SORCS2: variants seen among roughly 807,000 people sequenced by gnomAD.
SORCS2 encodes the protein VPS10 domain-containing receptor SorCS2.
In SORCS2, 100 loss-of-function variants were observed where a neutral mutation model predicts 141.6. The observed-to-expected ratio is 0.71, with a 90% CI of 0.60 to 0.83. SORCS2 has a LOEUF of 0.83. SORCS2 is among the 40% of genes least tolerant of loss of function. SORCS2 has a pLI of 0.00. For missense variants in SORCS2, 1,646 were observed against 1,560.2 expected, an observed-to-expected ratio of 1.05 and a Z score of -0.93; for synonymous variants, 789 against 676.9, an observed-to-expected ratio of 1.17 and a Z score of -2.57.
rs34379092 is a variant in SORCS2 at position 7,413,391 on chromosome 4, C to CTTTTTTTTTT, written c.548+17047_548+17056dup. Among the ~76,000 whole-genome samples the CTTTTTTTTTT allele has an allele frequency of 3.3e-4, 28 of 84,822 alleles. 5 individuals are homozygous for CTTTTTTTTTT. Among genetic ancestry groups the CTTTTTTTTTT allele is most frequent in the South Asian group, 1.3e-3 (2 of 1,486 alleles). 55.6% of individuals were successfully genotyped at this position (84,822 alleles called of 152,430 possible). ...ATGATCCTCCGTATTTTCACAGCTG[C>CTTTTTTTTTT]TTTTTTTTTTTTTTTTTTTTGAGAT... On this transcript the variant is annotated intron_variant, in intron 2 of 26. Coordinates refer to ENST00000507866, the MANE Select transcript of SORCS2 (RefSeq NM_020777.3).
chr4:7,563,313 A>G (rs1359582106), intron 3 of SORCS2, among the ~76,000 whole-genome samples: 1 of 152,128 alleles, frequency 6.6e-6, no homozygotes, highest in Non-Finnish European at 1.5e-5. Context: ...AGCAGATAAC[A>G]TCACCAGCAA....
At chr4:7,472,827 G>A (rs529774321) in intron 2 of SORCS2, among the ~76,000 whole-genome samples, 7 of 152,102 alleles carry the variant, frequency 4.6e-5, no homozygotes, top group Non-Finnish European at 1.0e-4. Flanking sequence ...TTTGATTGGG[G>A]CGAGGGCGGA....
At chr4:7,585,915 T>C (rs1577794601) in intron 3 of SORCS2, among the ~76,000 whole-genome samples, 1 of 152,390 alleles carries the variant, frequency 6.6e-6, no homozygotes, top group East Asian at 1.9e-4. Context: ...ATTTGCTTAA[T>C]ACTTAGCCTT....
chr4:7,368,562 T>C (rs1316541959), intron 1 of SORCS2, among the ~76,000 whole-genome samples: 1 of 152,152 alleles, frequency 6.6e-6, no homozygotes, highest in Non-Finnish European at 1.5e-5. Flanking sequence ...CACGCCTCTC[T>C]TTAGGGGCTG....
chr4:7,632,192 G>A (rs1453121627), intron 3 of SORCS2, among the ~76,000 whole-genome samples: 3 of 152,146 alleles, frequency 2.0e-5, no homozygotes, highest in Non-Finnish European at 4.4e-5. Context: ...CTGTGCACCC[G>A]TTTCTCAGAA....
chr4:7,305,017 C>G (rs1297072068), intron 1 of SORCS2, among the ~76,000 whole-genome samples: 2 of 148,650 alleles, frequency 1.3e-5, no homozygotes, highest in Non-Finnish European at 3.0e-5. Context: ...TTACTCAGGC[C>G]GACATTCTGG....
At chr4:7,708,332 G>A (rs1264508967) in intron 14 of SORCS2, among the ~76,000 whole-genome samples, 8 of 152,192 alleles carry the variant, frequency 5.3e-5, no homozygotes, top group Non-Finnish European at 1.0e-4. Flanking sequence ...GCATTGTGGT[G>A]GGATTGAGGG....
chr4:7,604,988 G>A (rs911606547), intron 3 of SORCS2, among the ~76,000 whole-genome samples: 5 of 152,172 alleles, frequency 3.3e-5, no homozygotes, highest in Admixed American at 3.3e-4. Context: ...ATTCATTTCA[G>A]CCACGAATAA....
At chr4:7,216,191 C>T (rs1728342044) in intron 1 of SORCS2, among the ~76,000 whole-genome samples, 1 of 152,182 alleles carries the variant, frequency 6.6e-6, no homozygotes, top group Non-Finnish European at 1.5e-5. Flanking sequence ...CCGCAAAGGT[C>T]TGCGGCTTCA....
intron 3 of SORCS2, among the ~76,000 whole-genome samples, chr4:7,576,632 A>G (rs1035807909): frequency 2.0e-5 from 3 of 152,206 alleles, no homozygotes; most frequent in Non-Finnish European, 4.4e-5. Context: ...AGACGTGGTG[A>G]CAGAGGGACA....
intron 2 of SORCS2, among the ~76,000 whole-genome samples, chr4:7,518,481 G>C (rs978377432): frequency 2.6e-5 from 4 of 152,156 alleles, no homozygotes; most frequent in Non-Finnish European, 5.9e-5. Flanking sequence ...GTGTCTCGTG[G>C]GGACTGCAGA....
At chr4:7,350,275 C>T (rs1720861627) in intron 1 of SORCS2, among the ~76,000 whole-genome samples, 1 of 152,198 alleles carries the variant, frequency 6.6e-6, no homozygotes, top group African/African-American at 2.4e-5. Context: ...TTACAGCATC[C>T]ACAATTAGGG....
intron 3 of SORCS2, among the ~76,000 whole-genome samples, chr4:7,544,205 G>C (rs189239181): frequency 7.4e-4 from 113 of 152,122 alleles, no homozygotes; most frequent in Middle Eastern, 3.4e-3. Flanking sequence ...CCATCCACTC[G>C]TGCATTCATC....
At chr4:7,566,399 G>A (rs572461604) in intron 3 of SORCS2, among the ~76,000 whole-genome samples, 41 of 152,164 alleles carry the variant, frequency 2.7e-4, no homozygotes, top group East Asian at 9.6e-4. Flanking sequence ...TGAAGATGAC[G>A]GATTGATGAT....
At position 7,615,079 on chromosome 4, in the gene SORCS2, C is replaced by CCCAT. The variant is rs201967430; in HGVS notation, c.649-23236_649-23233dup. 2.9e-3 allele frequency among the ~76,000 whole-genome samples: 445 copies of CCCAT among 152,186 alleles called. 2 individuals are homozygous for CCCAT. Among genetic ancestry groups the CCCAT allele is most frequent in the African/African-American group, 0.01 (426 of 41,524 alleles). On this transcript the variant is annotated intron_variant, in intron 3 of 26. Coordinates refer to ENST00000507866, the MANE Select transcript of SORCS2 (RefSeq NM_020777.3). ...CACCCATCCACCATCTCTCTGTCTA[C>CCCAT]CCATCCATCCATCCATTCATCTACT... is the stretch of plus-strand genomic sequence containing the variant.
At chr4:7,358,996 A>G (rs1394529567) in intron 1 of SORCS2, among the ~76,000 whole-genome samples, 1 of 152,100 alleles carries the variant, frequency 6.6e-6, no homozygotes, top group Non-Finnish European at 1.5e-5. Flanking sequence ...ATACCACAAC[A>G]CTCGGCTAAT....
intron 2 of SORCS2, among the ~76,000 whole-genome samples, chr4:7,510,544 T>A (rs1732555827): frequency 1.3e-5 from 2 of 151,942 alleles, no homozygotes; most frequent in African/African-American, 4.8e-5. Context: ...CAGTGCCCTG[T>A]TCTGTGCGCG....
intron 4 of SORCS2, among the ~76,000 whole-genome samples, chr4:7,641,777 A>AATTG (rs1553897693): frequency 1.3e-5 from 1 of 78,950 alleles, no homozygotes; most frequent in East Asian, 5.6e-4. Context: ...TGGATGGATA[A>AATTG]ATGGATGGAT....
chr4:7,416,818 A>G (rs2109174215), intron 2 of SORCS2, among the ~76,000 whole-genome samples: 1 of 152,206 alleles, frequency 6.6e-6, no homozygotes, highest in South Asian at 2.1e-4. Context: ...ATGCATGTAC[A>G]CACTTGTGAA....
Sources: allele counts gnomAD v4.1 joint callset (sites outside exome capture counted in the v4.1 genomes callset), GRCh38; gene constraint gnomAD v4.1.1; transcripts MANE v1.5; gene names NCBI Gene and HGNC (gene_info 2026-07-23, HGNC 2026-07-21).